Variants in SLC24A2 observed in about 807,000 individuals in gnomAD.
SLC24A2 encodes the protein solute carrier family 24 member 2, also known as sodium/potassium/calcium exchanger 2.
A neutral mutation model predicts 62.0 loss-of-function variants in SLC24A2; 36 were observed. The observed-to-expected ratio is 0.58, with a 90% confidence interval of 0.44 to 0.77. The LOEUF is 0.77. SLC24A2 is among the 30% of genes least tolerant of loss of function. SLC24A2 has a pLI of 0.00. For missense variants in SLC24A2, 846 were observed against 817.9 expected (o/e 1.03, Z -0.42); for synonymous variants, 358 against 294.0 (o/e 1.22, Z -2.23).
intron 4 of SLC24A2, among the ~76,000 whole-genome samples, chr9:19,617,018 G>C (rs896881180): frequency 2.0e-5 from 3 of 152,186 alleles, no homozygotes; most frequent in African/African-American, 7.2e-5. Context: ...GAGTGAAATT[G>C]AGTTTGGAGC....
the SLC24A2 span, among the ~76,000 whole-genome samples, chr9:20,169,988 C>G: frequency 6.6e-6 from 1 of 151,788 alleles, no homozygotes; most frequent in Non-Finnish European, 1.5e-5. Flanking sequence ...TAAGCAAAAA[C>G]AATCAGAACT....
the SLC24A2 span, among the ~76,000 whole-genome samples, chr9:20,296,231 A>G: frequency 2.8e-3 from 432 of 152,380 alleles, 1 homozygote; most frequent in Non-Finnish European, 4.4e-3. Flanking sequence ...AAGTGCAGCG[A>G]GTGTTTCCAA....
intron 2 of SLC24A2, among the ~76,000 whole-genome samples, chr9:19,682,195 T>G (rs1819743127): frequency 6.6e-6 from 1 of 152,160 alleles, no homozygotes; most frequent in South Asian, 2.1e-4. Context: ...AATGCTCACC[T>G]GCAGTGATGA....
chr9:19,753,859 G>A (rs1236846064), intron 2 of SLC24A2, among the ~76,000 whole-genome samples: 1 of 152,072 alleles, frequency 6.6e-6, no homozygotes, highest in Non-Finnish European at 1.5e-5. Context: ...CACATAAAGT[G>A]GCAGGGGATG....
the SLC24A2 span, among the ~76,000 whole-genome samples, chr9:20,007,844 A>G: frequency 7.0e-6 from 1 of 142,190 alleles, no homozygotes; most frequent in Non-Finnish European, 1.5e-5. Flanking sequence ...AGGTGAGGGC[A>G]AGTGGGCTTC....
intron 8 of SLC24A2, among the ~76,000 whole-genome samples, chr9:19,536,200 ATTTATTTT>A (rs1370910316): frequency 0.01 from 1,359 of 130,870 alleles, 21 homozygotes; most frequent in African/African-American, 0.036. Flanking sequence ...TTTTTTATTT[ATTTATTTT>A]TTTTTATTAC....
the SLC24A2 span, among the ~76,000 whole-genome samples, chr9:20,051,550 C>A: frequency 1.3e-5 from 2 of 151,160 alleles, no homozygotes; most frequent in Non-Finnish European, 1.5e-5. Flanking sequence ...ATATTCTAGT[C>A]AAGCATACAT....
chr9:19,757,531 G>C (rs929790051), intron 2 of SLC24A2, among the ~76,000 whole-genome samples: 17 of 152,046 alleles, frequency 1.1e-4, no homozygotes, highest in African/African-American at 4.1e-4. Flanking sequence ...AGCAGAAATA[G>C]TCCAATGATA....
At chr9:19,640,577 A>C (rs1472603442) in intron 2 of SLC24A2, among the ~76,000 whole-genome samples, 1 of 152,156 alleles carries the variant, frequency 6.6e-6, no homozygotes, top group Non-Finnish European at 1.5e-5. Context: ...GTACCAAAAA[A>C]CTCAGTATTA....
chr9:19,669,299 G>A (rs62564197), intron 2 of SLC24A2, among the ~76,000 whole-genome samples: 9,098 of 152,154 alleles, frequency 0.06, 310 homozygotes, highest in Middle Eastern at 0.16. Context: ...GGTTGGGTGG[G>A]GAGTGGTGGT....
the SLC24A2 span, among the ~76,000 whole-genome samples, chr9:20,298,162 G>T: frequency 6.6e-6 from 1 of 152,328 alleles, no homozygotes; most frequent in South Asian, 2.1e-4. Context: ...CATTCCCACA[G>T]ATCTGTGAGC....
the SLC24A2 span, among the ~76,000 whole-genome samples, chr9:19,906,109 G>A: frequency 1.3e-5 from 2 of 152,164 alleles, no homozygotes; most frequent in Admixed American, 6.5e-5. Context: ...TAAAAGAACT[G>A]AAATTATAAC....
At chr9:20,141,856 G>C in the SLC24A2 span, among the ~76,000 whole-genome samples, 1 of 152,188 alleles carries the variant, frequency 6.6e-6, no homozygotes, top group African/African-American at 2.4e-5. Flanking sequence ...GCCAAGGCAG[G>C]TGAATCACTT....
intron 2 of SLC24A2, among the ~76,000 whole-genome samples, chr9:19,623,510 T>C (rs1817959843): frequency 6.6e-6 from 1 of 152,196 alleles, no homozygotes; most frequent in Admixed American, 6.5e-5. Context: ...ATATACACTT[T>C]TGTGTAAAAA....
intron 7 of SLC24A2, among the ~76,000 whole-genome samples, chr9:19,568,974 T>G (rs1198774764): frequency 6.6e-6 from 1 of 152,228 alleles, no homozygotes; most frequent in East Asian, 1.9e-4. Flanking sequence ...ACAAATATAC[T>G]GGATACAATT....
chr9:19,636,322 T>TTCTTTTCCTTTTC (rs376017966), intron 2 of SLC24A2, among the ~76,000 whole-genome samples: 9 of 30,562 alleles, frequency 2.9e-4, no homozygotes, highest in Non-Finnish European at 5.5e-4. Context: ...TTCTTTTCTT[T>TTCTTTTCCTTTTC]CTTTCTTTCT....
chr9:19,939,668 T>C, the SLC24A2 span, among the ~76,000 whole-genome samples: 1 of 152,182 alleles, frequency 6.6e-6, no homozygotes, highest in Non-Finnish European at 1.5e-5. Flanking sequence ...AATAAAGTAA[T>C]TGCACTATGA....
At chr9:20,226,834 C>A in the SLC24A2 span, among the ~76,000 whole-genome samples, 60 of 152,268 alleles carry the variant, frequency 3.9e-4, 2 homozygotes, top group East Asian at 0.01. Flanking sequence ...ACAACCCCTA[C>A]GGGGAAACCT....
At chr9:20,035,632 T>C in the SLC24A2 span, among the ~76,000 whole-genome samples, 1 of 152,148 alleles carries the variant, frequency 6.6e-6, no homozygotes, top group Non-Finnish European at 1.5e-5. Flanking sequence ...TGCACATGTG[T>C]AGTCCCAGCT....
Sources: allele counts gnomAD v4.1 joint callset (sites outside exome capture counted in the v4.1 genomes callset), GRCh38; gene constraint gnomAD v4.1.1; transcripts MANE v1.5; gene names NCBI Gene and HGNC (gene_info 2026-07-23, HGNC 2026-07-21).